Variants in SPON1 observed in about 807,000 individuals in gnomAD.
SPON1 encodes the protein spondin-1.
A neutral mutation model predicts 111.7 loss-of-function variants in SPON1; 52 were observed. That is an observed-to-expected ratio of 0.47 (90% CI 0.37 to 0.59). The LOEUF (loss-of-function observed/expected upper bound fraction) is 0.59. Ranked by LOEUF, SPON1 falls within the 20% of genes least tolerant of loss-of-function variation. The pLI is 0.00. For missense variants in SPON1, 957 were observed against 1,068.5 expected (o/e 0.90, Z 1.46); for synonymous variants, 410 against 395.8 (o/e 1.04, Z -0.43).
At chr11:14,182,353 A>G (rs1848243393) in intron 6 of SPON1, among the ~76,000 whole-genome samples, 1 of 152,196 alleles carries the variant, frequency 6.6e-6, no homozygotes, top group African/African-American at 2.4e-5. Context: ...CTAAATGAGC[A>G]AGGGTTTCAG....
At chr11:14,168,464 A>G (rs545186329) in intron 6 of SPON1, among the ~76,000 whole-genome samples, 1 of 152,262 alleles carries the variant, frequency 6.6e-6, no homozygotes, top group Non-Finnish European at 1.5e-5. Flanking sequence ...ACAAAAATGC[A>G]GACAGAAGAT....
intron 5 of SPON1, among the ~76,000 whole-genome samples, chr11:14,097,212 A>G (rs1353287671): frequency 1.3e-5 from 2 of 152,228 alleles, no homozygotes; most frequent in Non-Finnish European, 2.9e-5. Context: ...GAACAACGTT[A>G]TAAAGTAGAT....
At chr11:14,221,270 A>G (rs1271424384) in intron 6 of SPON1, among the ~76,000 whole-genome samples, 8 of 152,296 alleles carry the variant, frequency 5.3e-5, no homozygotes, top group Admixed American at 3.9e-4. Context: ...AGACATTATA[A>G]TGGGAGATTT....
intron 6 of SPON1, among the ~76,000 whole-genome samples, chr11:14,163,732 C>T (rs782213228): frequency 1.2e-4 from 19 of 152,140 alleles, no homozygotes; most frequent in Non-Finnish European, 2.2e-4. Flanking sequence ...TTCTTGGATT[C>T]TGGTTCCTGA....
At chr11:14,231,471 T>C (rs1554938716) in intron 6 of SPON1, among the ~76,000 whole-genome samples, 3 of 152,208 alleles carry the variant, frequency 2.0e-5, no homozygotes, top group African/African-American at 7.2e-5. Flanking sequence ...ATTCACATGG[T>C]TTGAAAATCA....
At chr11:14,091,382 G>A (rs1418174208) in intron 5 of SPON1, among the ~76,000 whole-genome samples, 1 of 152,224 alleles carries the variant, frequency 6.6e-6, no homozygotes, top group Admixed American at 6.5e-5. Flanking sequence ...GCAGGGGGTG[G>A]TGCTCGTTGG....
chr11:14,093,636 A>G (rs1248285066), intron 5 of SPON1, among the ~76,000 whole-genome samples: 1 of 152,234 alleles, frequency 6.6e-6, no homozygotes, highest in East Asian at 1.9e-4. Context: ...TTACAATGAA[A>G]TTCAGCCATC....
intron 1 of SPON1, among the ~76,000 whole-genome samples, chr11:13,978,404 G>C (rs545426807): frequency 1.3e-5 from 2 of 152,112 alleles, no homozygotes; most frequent in African/African-American, 4.8e-5. Context: ...TTAATAGCAC[G>C]TCAACTCCGC....
chr11:14,147,428 C>A (rs1199297671), intron 6 of SPON1, among the ~76,000 whole-genome samples: 1 of 150,652 alleles, frequency 6.6e-6, no homozygotes, highest in Non-Finnish European at 1.5e-5. Context: ...AAAAACATTT[C>A]TTTTTTTGAG....
chr11:14,227,211 T>A (rs1848750312), intron 6 of SPON1, among the ~76,000 whole-genome samples: 1 of 152,178 alleles, frequency 6.6e-6, no homozygotes, highest in Non-Finnish European at 1.5e-5. Flanking sequence ...GCAGTGTCAC[T>A]ATGTTGCCCA....
chr11:14,023,371 G>A (rs1848494253), intron 2 of SPON1, among the ~76,000 whole-genome samples: 1 of 149,916 alleles, frequency 6.7e-6, no homozygotes, highest in South Asian at 2.2e-4. Flanking sequence ...GGGTGCTGGA[G>A]AGAAATACTG....
At chr11:14,264,804 C>T (rs1019726591) in intron 15 of SPON1, among the ~76,000 whole-genome samples, 2 of 152,284 alleles carry the variant, frequency 1.3e-5, no homozygotes, top group Middle Eastern at 6.8e-3. Flanking sequence ...CCTAATTAAT[C>T]TCTGGGGTCA....
At chr11:13,979,165 C>G (rs188718607) in intron 1 of SPON1, among the ~76,000 whole-genome samples, 2 of 152,164 alleles carry the variant, frequency 1.3e-5, no homozygotes, top group African/African-American at 4.8e-5. Context: ...TTCCATGCCT[C>G]TCGCCTGGCT....
chr11:13,981,762 T>C (rs1848146517), intron 1 of SPON1, among the ~76,000 whole-genome samples: 1 of 152,214 alleles, frequency 6.6e-6, no homozygotes. Context: ...AAGTACAGTA[T>C]GGATGTTTCT....
intron 5 of SPON1, among the ~76,000 whole-genome samples, chr11:14,124,467 G>A (rs571150871): frequency 3.9e-5 from 6 of 152,180 alleles, no homozygotes; most frequent in East Asian, 1.9e-4. Flanking sequence ...TATCACCCAC[G>A]CTTTATTGTA....
intron 2 of SPON1, among the ~76,000 whole-genome samples, chr11:13,985,979 G>C (rs192521382): frequency 6.6e-6 from 1 of 152,152 alleles, no homozygotes; most frequent in Admixed American, 6.5e-5. Context: ...CCCCCATGCT[G>C]TCCCTTCCAA....
intron 3 of SPON1, among the ~76,000 whole-genome samples, chr11:14,063,158 T>C (rs1443559216): frequency 1.3e-5 from 2 of 152,208 alleles, no homozygotes; most frequent in Middle Eastern, 6.3e-3. Flanking sequence ...CCTTAGGATA[T>C]AGATTTTTAC....
intron 6 of SPON1, among the ~76,000 whole-genome samples, chr11:14,170,447 A>G (rs1345882623): frequency 6.6e-6 from 1 of 152,116 alleles, no homozygotes; most frequent in South Asian, 2.1e-4. Context: ...GCAAACAGGG[A>G]CAATTTGACT....
intron 7 of SPON1, among the ~76,000 whole-genome samples, chr11:14,252,361 G>A (rs1554940738): frequency 6.8e-6 from 1 of 147,684 alleles, no homozygotes; most frequent in African/African-American, 2.5e-5. Context: ...TCAGCCGAAG[G>A]CAAGACCTGC....
Sources: allele counts gnomAD v4.1 joint callset (sites outside exome capture counted in the v4.1 genomes callset), GRCh38; gene constraint gnomAD v4.1.1; transcripts MANE v1.5; gene names NCBI Gene and HGNC (gene_info 2026-07-23, HGNC 2026-07-21).